RFC1: variants seen among roughly 807,000 people sequenced by gnomAD.
RFC1 encodes replication factor C subunit 1.
In RFC1, 37 loss-of-function variants were observed where a neutral mutation model predicts 137.4. The observed-to-expected ratio is 0.27, with a 90% CI of 0.21 to 0.35. The LOEUF is 0.35. Among genes scored for constraint, RFC1 ranks in the 10% least tolerant of loss-of-function variants. RFC1 has a pLI of 1.00. For synonymous variants in RFC1, 429 were observed against 455.7 expected, an observed-to-expected ratio of 0.94 and a Z score of 0.75; for missense variants, 1,205 against 1,358.5, an observed-to-expected ratio of 0.89 and a Z score of 1.78.
intron 4 of RFC1, among the ~76,000 whole-genome samples, chr4:39,328,572 T>C (rs1302135736): frequency 6.6e-6 from 1 of 152,108 alleles, no homozygotes; most frequent in Non-Finnish European, 1.5e-5. Context: ...CAATTAAAAC[T>C]ACAAATGGAA....
chr4:39,296,614 G>C (rs1440376801), intron 21 of RFC1, among the ~76,000 whole-genome samples: 2 of 151,148 alleles, frequency 1.3e-5, no homozygotes, highest in African/African-American at 2.4e-5. Context: ...AGTATTCCAT[G>C]GTATATATGT....
At chr4:39,326,531 G>C (rs1739776796) in intron 6 of RFC1, 32 bp downstream of exon 6, 1 of 1,584,016 alleles carries the variant, frequency 6.3e-7, no homozygotes, top group South Asian at 1.1e-5. Flanking sequence ...AGAATATCAA[G>C]TTACTAATGA....
chr4:39,364,800 C>T (rs766936417), intron 1 of RFC1, among the ~76,000 whole-genome samples: 3 of 152,148 alleles, frequency 2.0e-5, no homozygotes, highest in African/African-American at 4.8e-5. Context: ...GATAAGGAAA[C>T]AGAGGCTTAA....
At chr4:39,302,162 T>A (rs969271410) in intron 19 of RFC1, 116 bp downstream of exon 19, 16 of 671,032 alleles carry the variant, frequency 2.4e-5, no homozygotes, top group Non-Finnish European at 3.5e-5. Context: ...CTACTATATA[T>A]CCCTGGATTC....
chr4:39,292,632 T>TTATG (rs998064212), intron 22 of RFC1, among the ~76,000 whole-genome samples: 5 of 149,684 alleles, frequency 3.3e-5, no homozygotes, highest in African/African-American at 1.2e-4. Flanking sequence ...ATTTATTTAT[T>TTATG]TATTTATTTA....
chr4:39,336,360 C>T (rs1024577095), intron 4 of RFC1, among the ~76,000 whole-genome samples: 1 of 152,136 alleles, frequency 6.6e-6, no homozygotes, highest in African/African-American at 2.4e-5. Flanking sequence ...GGTTTAGTGA[C>T]AATGCTATAC....
At chr4:39,365,835 C>T (rs538534113) in intron 1 of RFC1, among the ~76,000 whole-genome samples, 4 of 152,200 alleles carry the variant, frequency 2.6e-5, no homozygotes, top group Non-Finnish European at 5.9e-5. Context: ...TTGTTACATT[C>T]TTCTCCCTCG....
At chr4:39,301,235 A>G (rs537199323) in intron 19 of RFC1, among the ~76,000 whole-genome samples, 2 of 152,330 alleles carry the variant, frequency 1.3e-5, no homozygotes, top group South Asian at 2.1e-4. Context: ...AGGCAAAACT[A>G]TGGACACAGT....
intron 4 of RFC1, among the ~76,000 whole-genome samples, chr4:39,329,563 C>CAAAAAA (rs889294160): frequency 2.3e-5 from 3 of 128,448 alleles, no homozygotes; most frequent in South Asian, 2.5e-4. Flanking sequence ...GACTCTGTCT[C>CAAAAAA]AAAAAAAAAA....
Position 39,308,993 on chromosome 4 carries a change from T to C in RFC1, c.1528A>G (p.Asn510Asp). ...ESKLERTPQK[N>D]VQGKRKISPS... is the part of the protein sequence containing the mutation. ...CTAATTTTTCTTTTTCCTTGGACAT[T>C]TTTTTGGGGTGTTCTCTCCAGTTTG... Residue 510 changes from asparagine (N) to aspartate (D), a missense_variant, in exon 13 of 25, where the codon AAT (asparagine) becomes GAT (aspartate). Around this residue, in one of 3 missense-constraint regions of RFC1, gnomAD observed 962 missense variants for 1,035.3 expected, o/e 0.93. Transcript: ENST00000349703. 6.2e-7 allele frequency: 1 copy of C among 1,611,614 alleles called. No individual in the cohort carries two copies. The highest frequency in any genetic ancestry group is 1.1e-5 in the South Asian group (1 of 90,300).
rs749757774 is a variant in RFC1, at chr4:39,300,105, G to A, written c.2724C>T (p.Ser908=). 1.9e-6 allele frequency: 3 copies of A among 1,613,958 alleles called. No homozygotes were observed. Among genetic ancestry groups the A allele is most frequent in the Admixed American group, 1.7e-5 (1 of 59,990 alleles). ...CATCGCATATGCTGTCTGCTGCTCT[G>A]CTTAAAAGCATCAGGTGCTTTTTCA... ...GDMKKHLMLL[S]RAADSICDGD... Residue 908 remains serine (S), a synonymous_variant, in exon 21 of 25, where the codon AGC becomes AGT. Coordinates refer to ENST00000349703, the MANE Select transcript of RFC1 (RefSeq NM_002913.5).
chr4:39,327,511 G>T lies in RFC1; in HGVS notation c.564+13C>A. ...AAATCCTGAGCATACTTGCTTATAT[G>T]TAGAACACTTACCTCTTTTCTTTTG... On this transcript the variant is annotated intron_variant, in intron 5 of 24. Transcript: ENST00000349703. The T allele has an allele frequency of 6.4e-7, 1 of 1,569,650 alleles. No individual in the cohort carries two copies. Among genetic ancestry groups the T allele is most frequent in the Non-Finnish European group, 8.7e-7 (1 of 1,146,576 alleles).
At position 39,302,387 on chromosome 4, in the gene RFC1, C is replaced by T. The variant is rs771992244; in HGVS notation, c.2437-11G>A. ...CAGATTATGTAAAACCTAAAAGAATCACAAATAAGACAACGTCAAGATAGG... is the reference window on the plus strand; with the variant it reads ...CAGATTATGTAAAACCTAAAAGAATTACAAATAAGACAACGTCAAGATAGG... On this transcript the variant is annotated splice_polypyrimidine_tract_variant and intron_variant, in intron 18 of 24. Coordinates refer to ENST00000349703, the MANE Select transcript of RFC1 (RefSeq NM_002913.5). 2 of 1,599,456 alleles carry T rather than the reference C, an allele frequency of 1.3e-6. No individual in the cohort carries two copies.
intron 2 of RFC1, among the ~76,000 whole-genome samples, chr4:39,348,809 G>A (rs967861120): frequency 1.3e-5 from 2 of 152,178 alleles, no homozygotes; most frequent in African/African-American, 4.8e-5. Flanking sequence ...GCAGAAGCAG[G>A]ACAGCTGCCT....
At chr4:39,298,317 A>AAAC (rs1209211899) in intron 21 of RFC1, among the ~76,000 whole-genome samples, 13 of 151,160 alleles carry the variant, frequency 8.6e-5, no homozygotes, top group Non-Finnish European at 1.8e-4. Context: ...CAAAAAAAAA[A>AAAC]AAAAAAAAAA....
In RFC1 at chr4:39,340,443, C is replaced by T. The variant is rs545901215; in HGVS notation, c.331+1902G>A. On this transcript the variant is annotated intron_variant, in intron 4 of 24. Transcript: ENST00000349703. ...TTCTGTTTTATGGAATGAGGTATTG[C>T]CCAATTCTATTATACACACACACAC... Among the ~76,000 whole-genome samples the T allele has an allele frequency of 2.4e-4, 36 of 152,104 alleles. 1 individual carries two copies. In the South Asian group the frequency reaches 7.3e-3, roughly 31 times the overall value.
chr4:39,298,844 C>T (rs559013598), intron 21 of RFC1, among the ~76,000 whole-genome samples: 7 of 152,222 alleles, frequency 4.6e-5, no homozygotes, highest in Middle Eastern at 3.4e-3. Flanking sequence ...TTGGGCCGGG[C>T]GCAGTGGCTC....
At chr4:39,333,226 T>C (rs1189234733) in intron 4 of RFC1, among the ~76,000 whole-genome samples, 1 of 152,210 alleles carries the variant, frequency 6.6e-6, no homozygotes, top group Non-Finnish European at 1.5e-5. Flanking sequence ...TATAGATTTT[T>C]TTAATATTAT....
At chr4:39,345,576 A>C in intron 2 of RFC1, 100 bp from the exon 3 acceptor site, 1 of 899,968 alleles carries the variant, frequency 1.1e-6, no homozygotes, top group Non-Finnish European at 1.7e-6. Context: ...GCTGGAGCGC[A>C]GTGGCACGAT....
Sources: allele counts gnomAD v4.1 joint callset (sites outside exome capture counted in the v4.1 genomes callset), GRCh38; gene constraint gnomAD v4.1.1; regional missense constraint gnomAD v4.1.1; transcripts MANE v1.5; gene names NCBI Gene and HGNC (gene_info 2026-07-23, HGNC 2026-07-21).